Variants in PTPRU observed in about 807,000 individuals in gnomAD.
PTPRU encodes the protein receptor-type tyrosine-protein phosphatase U.
A neutral mutation model predicts 166.3 loss-of-function variants in PTPRU; 69 were observed. The ratio of observed to expected loss-of-function variants is 0.41; its 90% CI spans 0.34 to 0.51. The LOEUF (loss-of-function observed/expected upper bound fraction) is 0.51, where lower values mean the gene tolerates loss of function less well. PTPRU is among the 20% of genes least tolerant of loss of function. The pLI, the probability that PTPRU is intolerant of heterozygous loss-of-function variation, is 0.09. For synonymous variants in PTPRU, 793 were observed against 814.0 expected (o/e 0.97, Z 0.44); for missense variants, 1,657 against 2,013.7 (o/e 0.82, Z 3.39).
chr1:29,294,337 T>A (rs1395878090), intron 15 of PTPRU, among the ~76,000 whole-genome samples: 5 of 152,256 alleles, frequency 3.3e-5, no homozygotes, highest in African/African-American at 4.8e-5. Context: ...GTTGAACGTA[T>A]TTTCAAGTCA....
At chr1:29,277,872 G>A (rs912141149) in intron 8 of PTPRU, among the ~76,000 whole-genome samples, 1 of 130,040 alleles carries the variant, frequency 7.7e-6, no homozygotes, top group African/African-American at 3.0e-5. Flanking sequence ...AGGCTGGAGA[G>A]CAGTGGTGCA....
chr1:29,298,617 G>A (rs548517499), intron 15 of PTPRU, among the ~76,000 whole-genome samples: 14 of 152,282 alleles, frequency 9.2e-5, no homozygotes, highest in African/African-American at 1.2e-4. Context: ...GGCCTTGTAC[G>A]TCTGGAGCTA....
chr1:29,322,796 G>A (rs1688217536), intron 26 of PTPRU, among the ~76,000 whole-genome samples: 1 of 152,132 alleles, frequency 6.6e-6, no homozygotes, highest in Non-Finnish European at 1.5e-5. Flanking sequence ...TTGTACGTGT[G>A]TTTGTGTGTG....
intron 7 of PTPRU, among the ~76,000 whole-genome samples, chr1:29,272,497 G>A (rs1452643683): frequency 6.6e-6 from 1 of 152,206 alleles, no homozygotes; most frequent in Non-Finnish European, 1.5e-5. Flanking sequence ...CTGTACATGG[G>A]GCCAGTGTTG....
At position 29,275,764 on chromosome 1, in the gene PTPRU, TC is replaced by T; in HGVS notation, c.1453+9del. The T allele has an allele frequency of 6.2e-7, 1 of 1,611,588 alleles. No homozygotes were observed. The highest frequency in any genetic ancestry group is 8.5e-7 in the Non-Finnish European group (1 of 1,178,004). On this transcript the variant is annotated intron_variant, in intron 8 of 29. Transcript: ENST00000373779. ...TCCAGACGGATGAGGATGGTAAGAG[TC>T]TCAGTCCCAATTCCCGGGGCCCTGT...
chr1:29,281,560 A>G (rs1686084163), intron 11 of PTPRU, among the ~76,000 whole-genome samples: 1 of 152,144 alleles, frequency 6.6e-6, no homozygotes, highest in East Asian at 1.9e-4. Context: ...TTATCTGCAC[A>G]ATGGGGATTA....
Position 29,323,756 on chromosome 1 carries a change from G to C in PTPRU, c.4080G>C (p.Glu1360Asp), listed in dbSNP as rs1408295946. The C allele has an allele frequency of 6.2e-7, 1 of 1,614,068 alleles. No homozygotes were observed. The highest frequency in any genetic ancestry group is 8.5e-7 in the Non-Finnish European group (1 of 1,180,010). Residue 1360 changes from glutamate (E) to aspartate (D), a missense_variant, in exon 28 of 30, where the codon GAG becomes GAC. By Grantham distance (45) the Glu-to-Asp change is conservative. This residue lies in a region of PTPRU where 1,190 missense variants were observed against 1,477.4 expected (regional missense o/e 0.81). Transcript: ENST00000373779. Reference protein sequence around the residue: ...LLAEVDKWQAESGDGRTIVHC... With the variant: ...LLAEVDKWQADSGDGRTIVHC... ...CTGAGGTGGACAAGTGGCAGGCCGA[G>C]AGTGGGGATGGGCGCACCATCGTGC...
Position 29,291,996 on chromosome 1 carries a change from T to G in PTPRU, c.2446T>G (p.Phe816Val), listed in dbSNP as rs371247916. 6.8e-6 allele frequency: 11 copies of G among 1,614,022 alleles called. No individual in the cohort carries two copies. In the African/African-American group the frequency reaches 1.3e-4, roughly 20 times the overall value. Residue 816 changes from phenylalanine to valine, a missense_variant, in exon 15 of 30, where the codon TTC (phenylalanine) becomes GTC (valine). Physicochemically the swap from Phe to Val is conservative, Grantham distance 50 (BLOSUM62 -1). Transcript: ENST00000373779. The surrounding 1 kb of genome is among the most constrained non-coding windows in gnomAD (Gnocchi z 4.1). Reference sequence around the variant, plus strand: ...GGAGGACGAGCGGCTGGGCCTGTCCTTCATGGACACCCATGGCTACAGCAC... The same window carrying G: ...GGAGGACGAGCGGCTGGGCCTGTCCGTCATGGACACCCATGGCTACAGCAC... ...LQEDERLGLSFMDTHGYSTRG... is the reference protein window; with the variant it reads ...LQEDERLGLSVMDTHGYSTRG...
chr1:29,310,881 T>G (rs1319189887), intron 19 of PTPRU, 101 bp downstream of exon 19: 2 of 1,368,044 alleles, frequency 1.5e-6, no homozygotes, highest in East Asian at 4.6e-5. Context: ...TCCGCTTGAT[T>G]CCTGAATGTC....
In PTPRU at chr1:29,260,826, G is replaced by A. The variant is rs1356203293; in HGVS notation, c.1067G>A (p.Ser356Asn). The A allele has an allele frequency of 6.2e-7, 1 of 1,611,864 alleles. No homozygotes were observed. Among genetic ancestry groups the A allele is most frequent in the Non-Finnish European group, 8.5e-7 (1 of 1,179,308 alleles). The change falls in exon 7 of 30, where the codon AGC (serine) becomes AAC (asparagine). Residue 356 changes from serine to asparagine, a missense_variant. Coordinates refer to ENST00000373779, the MANE Select transcript of PTPRU (RefSeq NM_133178.4). The surrounding 1 kb of genome is among the most constrained non-coding windows in gnomAD (Gnocchi z 8.3). Reference protein sequence around the residue: ...HLDPDTEYEISVLLTRPGDGG... With the variant: ...HLDPDTEYEINVLLTRPGDGG... Reference sequence around the variant, plus strand: ...GACCCCGACACAGAGTATGAGATCAGCGTGCTGCTCACGCGTCCCGGAGAC... The same window carrying A: ...GACCCCGACACAGAGTATGAGATCAACGTGCTGCTCACGCGTCCCGGAGAC...
Position 29,280,259 on chromosome 1 carries a change from G to A in PTPRU, c.1868+118G>A. ...TTTTCCTCCCTCAGTCTCCCACGCA[G>A]GGCTTGGAGTGTCTGGAGGAGATTG... On this transcript the variant is annotated intron_variant, in intron 11 of 29. Coordinates refer to ENST00000373779, the MANE Select transcript of PTPRU (RefSeq NM_133178.4). This position sits in a 1 kb window ranked among gnomAD's most constrained non-coding sequence, Gnocchi z 4.2. 9.9e-7 allele frequency: 1 copy of A among 1,005,164 alleles called. No homozygotes were observed. Among genetic ancestry groups the A allele is most frequent in the Non-Finnish European group, 1.5e-6 (1 of 684,424 alleles). The allele number at this position is 1,005,164 out of a possible 1,614,324, so 62.3% of individuals were successfully genotyped here. A position where few individuals can be genotyped will look rare whatever the true frequency, so the allele number is the denominator to read the frequency against.
chr1:29,314,604 A>T (rs1304737648), intron 22 of PTPRU, among the ~76,000 whole-genome samples: 1 of 149,392 alleles, frequency 6.7e-6, no homozygotes, highest in African/African-American at 2.5e-5. Context: ...TTGAGACAGG[A>T]TCTTGTTCTG....
Position 29,260,581 on chromosome 1 carries a change from C to A in PTPRU, c.851-29C>A. On this transcript the variant is annotated intron_variant, in intron 6 of 29. Coordinates refer to ENST00000373779, the MANE Select transcript of PTPRU (RefSeq NM_133178.4). This position sits in a 1 kb window ranked among gnomAD's most constrained non-coding sequence, Gnocchi z 8.3. The stretch of plus-strand genomic sequence containing the variant: ...CTGGGGTCTCACAGCAGCATCGGTC[C>A]GCCTCGCCTCTCCCCCATCTCCTCG... 1 of 1,470,006 alleles carries A rather than the reference C, an allele frequency of 6.8e-7. No individual in the cohort carries two copies. The highest frequency in any genetic ancestry group is 9.0e-7 in the Non-Finnish European group (1 of 1,106,006). 91.1% of individuals were successfully genotyped at this position (1,470,006 alleles called of 1,614,324 possible).
At chr1:29,288,151 C>T (rs988020300) in intron 14 of PTPRU, among the ~76,000 whole-genome samples, 12 of 152,102 alleles carry the variant, frequency 7.9e-5, no homozygotes, top group Non-Finnish European at 1.0e-4. Context: ...AAAGTGGAAG[C>T]GCATGGAGGT....
chr1:29,279,011 G>A lies in PTPRU; in HGVS notation c.1454-1G>A. On this transcript the variant is annotated splice_acceptor_variant, in intron 8 of 29. Transcript: ENST00000373779. LOFTEE classifies it high-confidence loss of function. The surrounding 1 kb of genome is among the most constrained non-coding windows in gnomAD (Gnocchi z 5.2). ...TGGCCCCTGCTGCCTTTCCCTTGCA[G>A]TGCCCAGTGGGATTGCAGCCGAGTC... The A allele has an allele frequency of 6.3e-7, 1 of 1,577,840 alleles. No homozygotes were observed. The highest frequency in any genetic ancestry group is 8.6e-7 in the Non-Finnish European group (1 of 1,161,128).
At chr1:29,285,381 G>T (rs2151955084) in intron 14 of PTPRU, among the ~76,000 whole-genome samples, 1 of 152,256 alleles carries the variant, frequency 6.6e-6, no homozygotes, top group East Asian at 1.9e-4. Context: ...TGTTCCTGTG[G>T]ATCCTTGAGG....
Position 29,323,712 on chromosome 1 carries a change from G to T in PTPRU, c.4036G>T (p.Ala1346Ser). 6.2e-7 allele frequency: 1 copy of T among 1,614,150 alleles called. No homozygotes were observed. Among genetic ancestry groups the T allele is most frequent in the Non-Finnish European group, 8.5e-7 (1 of 1,180,014 alleles). Residue 1346 changes from alanine to serine, a missense_variant, in exon 28 of 30, where the codon GCC becomes TCC. Ala to Ser is a moderately conservative substitution (Grantham distance 99, BLOSUM62 1). Around this residue, in one of 3 missense-constraint regions of PTPRU, gnomAD observed 1,190 missense variants for 1,477.4 expected, o/e 0.81. Coordinates refer to ENST00000373779, the MANE Select transcript of PTPRU (RefSeq NM_133178.4). ...AYRDTPDSKK[A>S]FLHLLAEVDK... is the part of the protein sequence containing the mutation. Reference sequence around the variant, plus strand: ...CCGGGACACACCTGACTCCAAGAAGGCCTTCTTGCACCTGCTGGCTGAGGT... The same window carrying T: ...CCGGGACACACCTGACTCCAAGAAGTCCTTCTTGCACCTGCTGGCTGAGGT...
chr1:29,281,727 G>C lies in PTPRU; in HGVS notation c.1869-949G>C, dbSNP rs570765315. On this transcript the variant is annotated intron_variant, in intron 11 of 29. Transcript: ENST00000373779. ...TGGGCTAGTGACAAGCCATGGGCTG[G>C]TGTCCAACACTCTGGGATGATTCCC... Among the ~76,000 whole-genome samples, 28 of 152,310 alleles carry C rather than the reference G, an allele frequency of 1.8e-4. No homozygotes were observed. In the South Asian group the frequency reaches 2.3e-3, roughly 12 times the overall value.
rs1312889365 is a variant in PTPRU, at chr1:29,236,642, A to G, written c.-3A>G. On this transcript the variant is annotated 5_prime_UTR_variant, in exon 1 of 30. Transcript: ENST00000373779. This position sits in a 1 kb window ranked among gnomAD's most constrained non-coding sequence, Gnocchi z 4.6. ...CCCCGGGACGGGCGGCGACGCTCCA[A>G]CCATGGCCCGTGCCCAGGCGCTCGT... 2 of 1,389,298 alleles carry G rather than the reference A, an allele frequency of 1.4e-6. No individual in the cohort carries two copies. The highest frequency in any genetic ancestry group is 3.1e-5 in the East Asian group (1 of 32,634). The allele number at this position is 1,389,298 out of a possible 1,614,324, so 86.1% of individuals were successfully genotyped here. A position where few individuals can be genotyped will look rare whatever the true frequency, so the allele number is the denominator to read the frequency against.
Sources: allele counts gnomAD v4.1 joint callset (sites outside exome capture counted in the v4.1 genomes callset), GRCh38; gene constraint gnomAD v4.1.1; regional missense constraint gnomAD v4.1.1; non-coding constraint Gnocchi (gnomAD v3.1); transcripts MANE v1.5; gene names NCBI Gene and HGNC (gene_info 2026-07-23, HGNC 2026-07-21).